COL22A1: variants seen among roughly 807,000 people sequenced by gnomAD.
The protein encoded by COL22A1 is collagen alpha-1(XXII) chain.
A neutral mutation model predicts 248.9 loss-of-function variants in COL22A1; 221 were observed. The ratio of observed to expected loss-of-function variants is 0.89; its 90% CI spans 0.80 to 0.99. The LOEUF is 0.99. Among genes scored for constraint, COL22A1 ranks in the 50% least tolerant of loss-of-function variants. COL22A1 has a pLI of 0.00. For synonymous variants in COL22A1, 891 were observed against 793.4 expected, an observed-to-expected ratio of 1.12 and a Z score of -2.07; for missense variants, 2,240 against 2,179.0, an observed-to-expected ratio of 1.03 and a Z score of -0.56.
chr8:138,641,635 G>A (rs141505294), intron 47 of COL22A1, among the ~76,000 whole-genome samples: 473 of 152,316 alleles, frequency 3.1e-3, no homozygotes, highest in African/African-American at 0.01. Flanking sequence ...TGTGGCATGA[G>A]CCTCCTCATG....
rs1028266468 is a variant in COL22A1, at chr8:138,755,326, G to C, written c.1978-116C>G. The C allele has an allele frequency of 6.2e-5, 81 of 1,301,040 alleles. No individual in the cohort carries two copies. In the African/African-American group the frequency reaches 1.1e-3, roughly 18 times the overall value. 80.6% of individuals were successfully genotyped at this position (1,301,040 alleles called of 1,614,324 possible). ...GTTTACTTTCCAAGTTCTCGATAGG[G>C]AGTAGAGGTATGGGAGTGGGTATTT... On this transcript the variant is annotated intron_variant, in intron 20 of 64. Transcript: ENST00000303045.
intron 62 of COL22A1, among the ~76,000 whole-genome samples, chr8:138,595,614 C>T (rs1201510356): frequency 6.6e-6 from 1 of 152,114 alleles, no homozygotes; most frequent in African/African-American, 2.4e-5. Flanking sequence ...GAAAACAGCC[C>T]TTTGCCCTCA....
chr8:138,811,980 C>A, intron 8 of COL22A1, 59 bp from the exon 9 acceptor site: 1 of 1,486,128 alleles, frequency 6.7e-7, no homozygotes, highest in Non-Finnish European at 9.0e-7. Context: ...CACTCCCTGG[C>A]AGAAGCACAG....
At chr8:138,892,444 TC>T (rs1200074171) in intron 1 of COL22A1, among the ~76,000 whole-genome samples, 1 of 152,172 alleles carries the variant, frequency 6.6e-6, no homozygotes, top group African/African-American at 2.4e-5. Flanking sequence ...GAGTAGGTGT[TC>T]ACCAAACGTG....
intron 50 of COL22A1, among the ~76,000 whole-genome samples, chr8:138,627,739 T>C (rs994635291): frequency 2.0e-5 from 3 of 152,174 alleles, no homozygotes; most frequent in Non-Finnish European, 2.9e-5. Flanking sequence ...TTGCCTGCAG[T>C]ACACCCTTGC....
At chr8:138,674,141 C>T (rs1305887200) in intron 41 of COL22A1, among the ~76,000 whole-genome samples, 1 of 152,162 alleles carries the variant, frequency 6.6e-6, no homozygotes, top group African/African-American at 2.4e-5. Flanking sequence ...GCTCTTGAAT[C>T]CCCTCCTTAG....
At chr8:138,731,445 G>C (rs1830699583) in intron 23 of COL22A1, among the ~76,000 whole-genome samples, 1 of 152,132 alleles carries the variant, frequency 6.6e-6, no homozygotes, top group African/African-American at 2.4e-5. Flanking sequence ...GATAGGGGGA[G>C]GGATGCAGGC....
At chr8:138,882,266 T>C (rs1346889955) in intron 2 of COL22A1, among the ~76,000 whole-genome samples, 1 of 151,788 alleles carries the variant, frequency 6.6e-6, no homozygotes, top group Non-Finnish European at 1.5e-5. Flanking sequence ...GAACACACAC[T>C]CATCCCCTCA....
rs528529766 is a variant in COL22A1, at chr8:138,821,561, G to A, written c.970-150C>T. 5.2e-6 allele frequency: 4 copies of A among 766,146 alleles called. No individual in the cohort carries two copies. The East Asian group carries it at 9.9e-5, about 19-fold the overall frequency. 47.5% of individuals were successfully genotyped at this position (766,146 alleles called of 1,614,324 possible). On this transcript the variant is annotated intron_variant, in intron 6 of 64. Transcript: ENST00000303045. ...AGCTGGTCACCTGCCACCTGAGCTT[G>A]GACAAATTCCGTCACACCTCTGAGA...
At chr8:138,834,763 T>C (rs1820302341) in intron 4 of COL22A1, among the ~76,000 whole-genome samples, 1 of 152,224 alleles carries the variant, frequency 6.6e-6, no homozygotes, top group African/African-American at 2.4e-5. Context: ...ATTTACTGTT[T>C]TCTCATCACA....
At chr8:138,619,246 C>T (rs1014060158) in intron 53 of COL22A1, among the ~76,000 whole-genome samples, 1 of 152,192 alleles carries the variant, frequency 6.6e-6, no homozygotes, top group African/African-American at 2.4e-5. Flanking sequence ...TGAGCAACAA[C>T]AAGGTCATGG....
At chr8:138,708,887 AT>A (rs914229922) in intron 30 of COL22A1, among the ~76,000 whole-genome samples, 3 of 152,256 alleles carry the variant, frequency 2.0e-5, no homozygotes, top group African/African-American at 7.2e-5. Flanking sequence ...CAATCTACCC[AT>A]CTGACAAAGG....
chr8:138,864,149 A>C (rs1323861091), intron 3 of COL22A1, among the ~76,000 whole-genome samples: 1 of 152,034 alleles, frequency 6.6e-6, no homozygotes, highest in African/African-American at 2.4e-5. Context: ...TCTAGACCGC[A>C]CTTCAGGATC....
At chr8:138,616,988 G>A (rs1271831287) in intron 53 of COL22A1, 30 bp from the exon 54 acceptor site, 1 of 1,613,848 alleles carries the variant, frequency 6.2e-7, no homozygotes, top group Non-Finnish European at 8.5e-7. Flanking sequence ...GTTATTCCAT[G>A]ATAGAGCAGG....
chr8:138,716,183 T>G, intron 29 of COL22A1, 44 bp downstream of exon 29: 2 of 1,479,962 alleles, frequency 1.4e-6, no homozygotes, highest in Non-Finnish European at 1.8e-6. Context: ...TCTGTGGAGA[T>G]GGGCGAGGTT....
At chr8:138,705,764 C>A (rs1828374852) in intron 30 of COL22A1, among the ~76,000 whole-genome samples, 2 of 152,132 alleles carry the variant, frequency 1.3e-5, no homozygotes, top group Admixed American at 1.3e-4. Context: ...ATGACAGGAT[C>A]AAATTCACAC....
rs568965486 is a variant in COL22A1, at chr8:138,637,986, C to T, written c.3502-1191G>A. Among the ~76,000 whole-genome samples, 42 of 152,266 alleles carry T rather than the reference C, an allele frequency of 2.8e-4. No individual in the cohort carries two copies. The South Asian group carries it at 4.6e-3, about 17-fold the overall frequency. ...TCATCCTCATCTTCACCATCATCAT[C>T]GTCTACATCATAATGATCAACAACA... On this transcript the variant is annotated intron_variant, in intron 47 of 64. Transcript: ENST00000303045.
chr8:138,800,561 G>C (rs924373773), intron 11 of COL22A1, among the ~76,000 whole-genome samples: 1 of 152,198 alleles, frequency 6.6e-6, no homozygotes, highest in African/African-American at 2.4e-5. Flanking sequence ...AAGCTAGTAG[G>C]TTGTGGAACC....
chr8:138,771,643 T>G (rs1439040694), intron 16 of COL22A1, among the ~76,000 whole-genome samples: 1 of 152,334 alleles, frequency 6.6e-6, no homozygotes, highest in Admixed American at 6.5e-5. Flanking sequence ...AACAAAACAG[T>G]GCATACAGAC....
Sources: gnomAD v4.1 joint callset for allele counts (sites outside exome capture counted in the v4.1 genomes callset) on GRCh38, gnomAD v4.1.1 for gene constraint, MANE v1.5 for transcripts, NCBI Gene and HGNC (gene_info 2026-07-23, HGNC 2026-07-21) for gene names.